The following ZNF385B variants were observed in gnomAD, a reference collection of about 807,000 sequenced individuals.
ZNF385B encodes zinc finger protein 533.
Under a neutral mutation model 39.2 loss-of-function variants are expected in ZNF385B, and 23 were observed. The ratio of observed to expected loss-of-function variants is 0.59; its 90% CI spans 0.42 to 0.83. The LOEUF (loss-of-function observed/expected upper bound fraction) is 0.83. Among genes scored for constraint, ZNF385B ranks in the 40% least tolerant of loss-of-function variants. The pLI is 0.00. For synonymous variants in ZNF385B, 205 were observed against 222.6 expected (o/e 0.92, Z 0.70); for missense variants, 552 against 598.9 (o/e 0.92, Z 0.82).
chr2:179,594,100 A>AG (rs1398450532), intron 3 of ZNF385B, among the ~76,000 whole-genome samples: 4 of 152,194 alleles, frequency 2.6e-5, no homozygotes, highest in African/African-American at 9.6e-5. Context: ...AGGGAAGGCA[A>AG]AAGTTAAAAA....
intron 4 of ZNF385B, among the ~76,000 whole-genome samples, chr2:179,521,314 G>A (rs1574582477): frequency 6.8e-6 from 1 of 148,004 alleles, no homozygotes; most frequent in African/African-American, 2.5e-5. Context: ...AGCCTCCTGA[G>A]TGGCTGGGAT....
intron 5 of ZNF385B, among the ~76,000 whole-genome samples, chr2:179,494,452 C>T (rs534327420): frequency 1.3e-5 from 2 of 152,174 alleles, no homozygotes; most frequent in East Asian, 1.9e-4. Context: ...AATTAAATCC[C>T]ACTGACCAAT....
chr2:179,487,725 G>A (rs1050621632), intron 5 of ZNF385B, among the ~76,000 whole-genome samples: 3 of 152,148 alleles, frequency 2.0e-5, no homozygotes, highest in Non-Finnish European at 4.4e-5. Context: ...GTAATGGCTT[G>A]CATTCTGCTT....
intron 3 of ZNF385B, among the ~76,000 whole-genome samples, chr2:179,678,122 G>C (rs1697105415): frequency 6.6e-6 from 1 of 152,096 alleles, no homozygotes; most frequent in South Asian, 2.1e-4. Context: ...AGAAATATCT[G>C]TGATTCCCTT....
chr2:179,631,875 A>AAC (rs1165918741), intron 3 of ZNF385B, among the ~76,000 whole-genome samples: 2 of 152,000 alleles, frequency 1.3e-5, no homozygotes, highest in Non-Finnish European at 2.9e-5. Context: ...AACAAAAAAA[A>AAC]CAAACAGTGG....
At chr2:179,751,129 TAAAG>T (rs1366404094) in intron 3 of ZNF385B, among the ~76,000 whole-genome samples, 1 of 151,974 alleles carries the variant, frequency 6.6e-6, no homozygotes, top group Admixed American at 6.6e-5. Context: ...TCCTGAAAAC[TAAAG>T]AAAGATCTCT....
chr2:179,591,974 G>A (rs938530375), intron 3 of ZNF385B, among the ~76,000 whole-genome samples: 5 of 151,928 alleles, frequency 3.3e-5, no homozygotes, highest in African/African-American at 7.2e-5. Context: ...ATAGTCCATA[G>A]TGTGAAAATG....
chr2:179,484,614 C>T (rs1175563304), intron 5 of ZNF385B, among the ~76,000 whole-genome samples: 1 of 151,760 alleles, frequency 6.6e-6, no homozygotes, highest in Admixed American at 6.6e-5. Context: ...TAGTTGGAAG[C>T]GATAGTTGGA....
At chr2:179,531,789 T>G (rs1343376880) in intron 4 of ZNF385B, among the ~76,000 whole-genome samples, 2 of 152,212 alleles carry the variant, frequency 1.3e-5, no homozygotes, top group Non-Finnish European at 2.9e-5. Flanking sequence ...CAGGCTCACT[T>G]TGTCACACTT....
At chr2:179,814,528 T>C (rs1007061465) in intron 1 of ZNF385B, 3 of 749,380 alleles carry the variant, frequency 4.0e-6, no homozygotes, top group African/African-American at 3.6e-5. Flanking sequence ...ATCATGGTTG[T>C]CTTGGGGACT....
At chr2:179,836,398 T>C (rs1452076372) in intron 1 of ZNF385B, among the ~76,000 whole-genome samples, 1 of 152,234 alleles carries the variant, frequency 6.6e-6, no homozygotes, top group Non-Finnish European at 1.5e-5. Context: ...CTGGAATATT[T>C]GCATTTAGAG....
intron 3 of ZNF385B, among the ~76,000 whole-genome samples, chr2:179,555,505 TA>T (rs1031639570): frequency 6.7e-6 from 1 of 149,698 alleles, no homozygotes; most frequent in Non-Finnish European, 1.5e-5. Context: ...GCAGAATTTT[TA>T]AAAAATGCAG....
intron 3 of ZNF385B, among the ~76,000 whole-genome samples, chr2:179,655,958 T>A (rs191221753): frequency 5.3e-5 from 8 of 152,290 alleles, no homozygotes; most frequent in African/African-American, 1.7e-4. Flanking sequence ...TTATTCAACA[T>A]TTAACAGAGA....
chr2:179,698,118 C>G (rs941244473), intron 3 of ZNF385B, among the ~76,000 whole-genome samples: 4 of 151,478 alleles, frequency 2.6e-5, no homozygotes, highest in African/African-American at 7.3e-5. Context: ...TGCAGCACAC[C>G]AACATGGCAC....
At chr2:179,541,237 A>T (rs1324984215) in intron 4 of ZNF385B, among the ~76,000 whole-genome samples, 1 of 152,176 alleles carries the variant, frequency 6.6e-6, no homozygotes, top group Non-Finnish European at 1.5e-5. Flanking sequence ...ATATGCATTG[A>T]GAGAGATTCT....
intron 1 of ZNF385B, among the ~76,000 whole-genome samples, chr2:179,806,465 C>T (rs1165688769): frequency 1.3e-5 from 2 of 152,122 alleles, no homozygotes; most frequent in Non-Finnish European, 2.9e-5. Flanking sequence ...CCTAGGCTCC[C>T]CCAGTCCCCA....
chr2:179,692,867 C>T (rs1172701631), intron 3 of ZNF385B, among the ~76,000 whole-genome samples: 1 of 152,168 alleles, frequency 6.6e-6, no homozygotes, highest in Non-Finnish European at 1.5e-5. Flanking sequence ...GGAGCAAGTA[C>T]TTGCCTCCTC....
intron 3 of ZNF385B, among the ~76,000 whole-genome samples, chr2:179,644,242 A>G (rs528959251): frequency 6.6e-6 from 1 of 152,180 alleles, no homozygotes; most frequent in Non-Finnish European, 1.5e-5. Context: ...TGCCACCAGC[A>G]TTCGATGAAG....
chr2:179,857,467 G>A (rs931425527), intron 1 of ZNF385B, among the ~76,000 whole-genome samples: 2 of 152,184 alleles, frequency 1.3e-5, no homozygotes, highest in Non-Finnish European at 2.9e-5. Flanking sequence ...ATGTGCAATT[G>A]CACTGACTCT....
Sources: allele counts gnomAD v4.1 joint callset (sites outside exome capture counted in the v4.1 genomes callset), GRCh38; gene constraint gnomAD v4.1.1; transcripts MANE v1.5; gene names NCBI Gene and HGNC (gene_info 2026-07-23, HGNC 2026-07-21).